OR5B3: variants seen among roughly 807,000 people sequenced by gnomAD.
OR5B3 encodes the protein olfactory receptor family 5 subfamily B member 3.
For synonymous variants in OR5B3, 150 were observed against 135.0 expected, an observed-to-expected ratio of 1.11 and a Z score of -0.77; for missense variants, 430 against 375.4, an observed-to-expected ratio of 1.15 and a Z score of -1.20.
At position 58,402,838 on chromosome 11, in the gene OR5B3, T is replaced by A. The variant is rs1855048566; in HGVS notation, c.572A>T (p.His191Leu). Reference protein sequence around the residue: ...AVMVLSCSDRHISELVLIYVV... With the variant: ...AVMVLSCSDRLISELVLIYVV... ...ATAAATAAGAACAAGCTCGCTAATATGTCTATCAGAGCAAGAGAGAACCAT... is the reference window on the plus strand; with the variant it reads ...ATAAATAAGAACAAGCTCGCTAATAAGTCTATCAGAGCAAGAGAGAACCAT... Residue 191 changes from histidine (H) to leucine (L), a missense_variant, in exon 2 of 2, where the codon CAT becomes CTT. Coordinates refer to ENST00000641865, the MANE Select transcript of OR5B3 (RefSeq NM_001005469.2). 1 of 1,613,790 alleles carries A rather than the reference T, an allele frequency of 6.2e-7. No homozygotes were observed. Among genetic ancestry groups the A allele is most frequent in the Non-Finnish European group, 8.5e-7 (1 of 1,179,886 alleles).
chr11:58,402,968 G>C lies in OR5B3; in HGVS notation c.442C>G (p.Leu148Val). The stretch of plus-strand genomic sequence containing the variant: ...ATGGAGGCATTCAGGAAACCACAGA[G>C]GTAGGAGCCTATGGCCAGACGAGCA... ...VCARLAIGSY[L>V]CGFLNASIHT... The change falls in exon 2 of 2, where the codon CTC (leucine) becomes GTC (valine). Residue 148 changes from leucine (L) to valine (V), a missense_variant. Coordinates refer to ENST00000641865, the MANE Select transcript of OR5B3 (RefSeq NM_001005469.2). 1 of 1,613,832 alleles carries C rather than the reference G, an allele frequency of 6.2e-7. No homozygotes were observed. Among genetic ancestry groups the C allele is most frequent in the Non-Finnish European group, 8.5e-7 (1 of 1,179,890 alleles).
chr11:58,402,568 G>A lies in OR5B3; in HGVS notation c.842C>T (p.Pro281Leu). The change falls in exon 2 of 2, where the codon CCC (proline) becomes CTC (leucine). Residue 281 changes from proline to leucine, a missense_variant. Physicochemically the swap from Pro to Leu is moderately conservative, Grantham distance 98. Coordinates refer to ENST00000641865, the MANE Select transcript of OR5B3 (RefSeq NM_001005469.2). ...MAPVFYTMVIPMLNPLVYSLR... is the reference protein window; with the variant it reads ...MAPVFYTMVILMLNPLVYSLR... Reference sequence around the variant, plus strand: ...ACTATAGACCAGAGGGTTCAGCATGGGGATGACCATTGTATAGAACACAGG... The same window carrying A: ...ACTATAGACCAGAGGGTTCAGCATGAGGATGACCATTGTATAGAACACAGG... 1.2e-6 allele frequency: 2 copies of A among 1,613,376 alleles called. No individual in the cohort carries two copies. The highest frequency in any genetic ancestry group is 2.2e-5 in the South Asian group (2 of 91,062).
chr11:58,402,516 T>G lies in OR5B3; in HGVS notation c.894A>C (p.Ala298=), dbSNP rs973608510. The change falls in exon 2 of 2, where the codon GCA becomes GCC. Residue 298 remains alanine (A), a synonymous_variant. Transcript: ENST00000641865. ...TTGCCTTCTCAACAACTTTCTTGAA[T>G]GCACTCTTCACTTCCTTGTTCCTCA... ...YSLRNKEVKS[A]FKKVVEKAKL... is the part of the protein sequence containing the mutation. 1 of 1,613,398 alleles carries G rather than the reference T, an allele frequency of 6.2e-7. No individual in the cohort carries two copies. Among genetic ancestry groups the G allele is most frequent in the African/African-American group, 1.3e-5 (1 of 74,904 alleles).
chr11:58,406,450 T>C (rs1855100998), intron 1 of OR5B3, among the ~76,000 whole-genome samples: 2 of 152,054 alleles, frequency 1.3e-5, no homozygotes, highest in East Asian at 1.9e-4. Flanking sequence ...TAACACCTTT[T>C]TGTAGTTTAA....
chr11:58,403,830 A>G (rs1855068404), intron 1 of OR5B3, among the ~76,000 whole-genome samples: 1 of 152,198 alleles, frequency 6.6e-6, no homozygotes, highest in Non-Finnish European at 1.5e-5. Flanking sequence ...TTTCCTTTCT[A>G]CAATATTATG....
At chr11:58,405,918 A>C (rs958978378) in intron 1 of OR5B3, among the ~76,000 whole-genome samples, 2 of 152,198 alleles carry the variant, frequency 1.3e-5, no homozygotes, top group Non-Finnish European at 2.9e-5. Flanking sequence ...GCCATGAAAA[A>C]AAGAATGAAA....
chr11:58,402,887 A>G lies in OR5B3; in HGVS notation c.523T>C (p.Phe175Leu). 1 of 1,614,036 alleles carries G rather than the reference A, an allele frequency of 6.2e-7. No homozygotes were observed. The highest frequency in any genetic ancestry group is 1.7e-4 in the Middle Eastern group (1 of 6,058). Residue 175 changes from phenylalanine to leucine, a missense_variant, in exon 2 of 2, where the codon TTT (phenylalanine) becomes CTT (leucine). Physicochemically the swap from Phe to Leu is conservative, Grantham distance 22 (BLOSUM62 0). Coordinates refer to ENST00000641865, the MANE Select transcript of OR5B3 (RefSeq NM_001005469.2). ...ATGACTGCTGGAATATCACAGAAAA[A>G]GTGATGGACTTCATTGGACTTACAG... ...SFCKSNEVHH[F>L]FCDIPAVMVL...
chr11:58,403,850 A>T (rs1855068617), intron 1 of OR5B3, among the ~76,000 whole-genome samples: 1 of 152,194 alleles, frequency 6.6e-6, no homozygotes, highest in South Asian at 2.1e-4. Context: ...GTATTTGATT[A>T]GTTGTTGCAT....
At chr11:58,404,433 G>C (rs1429127044) in intron 1 of OR5B3, among the ~76,000 whole-genome samples, 1 of 129,462 alleles carries the variant, frequency 7.7e-6, no homozygotes, top group Non-Finnish European at 1.7e-5. Flanking sequence ...TATTAGATAG[G>C]TGATAATCTT....
At chr11:58,405,850 G>A (rs12290245) in intron 1 of OR5B3, among the ~76,000 whole-genome samples, 48,861 of 151,404 alleles carry the variant, frequency 0.32, 7,948 homozygotes, top group Non-Finnish European at 0.36. Flanking sequence ...CCTGGTGCCC[G>A]TCAGTGGTAG....
intron 1 of OR5B3, among the ~76,000 whole-genome samples, chr11:58,406,167 G>A (rs7125053): frequency 0.32 from 48,744 of 151,648 alleles, 7,882 homozygotes; most frequent in Non-Finnish European, 0.36. Context: ...GTGTATATGC[G>A]TGTGTGCGCA....
rs776779185 is a variant in OR5B3 at position 58,403,269 on chromosome 11, T to G, written c.141A>C (p.Ile47=). 7.4e-6 allele frequency: 12 copies of G among 1,613,760 alleles called. No homozygotes were observed. The highest frequency in any genetic ancestry group is 6.7e-5 in the Admixed American group (4 of 59,990). Residue 47 remains isoleucine, a synonymous_variant, in exon 2 of 2, where the codon ATA becomes ATC. Transcript: ENST00000641865. ...LVGNLGIIVL[I]FWDSCLHNPM... ...GATTGTGGAGACAGGAATCCCAGAA[T>G]ATCAATACAATAATTCCCAGGTTTC...
rs1221664125 is a variant in OR5B3, at chr11:58,402,477, T to C, written c.933A>G (p.Gly311=). 5 of 1,597,652 alleles carry C rather than the reference T, an allele frequency of 3.1e-6. No homozygotes were observed. The highest frequency in any genetic ancestry group is 4.3e-6 in the Non-Finnish European group (5 of 1,165,134). Residue 311 remains glycine (G), a synonymous_variant, in exon 2 of 2, where the codon GGA becomes GGG. Transcript: ENST00000641865. ...GCATCCCACAATGTTAAACTGACCA[T>C]CCTACAGACAATTTTGCCTTCTCAA... is the stretch of plus-strand genomic sequence containing the variant. ...KVVEKAKLSV[G]WSV
intron 1 of OR5B3, among the ~76,000 whole-genome samples, chr11:58,405,802 C>T (rs1305996091): frequency 6.6e-6 from 1 of 151,990 alleles, no homozygotes; most frequent in African/African-American, 2.4e-5. Flanking sequence ...GTATGATCAT[C>T]AGCACGCTAT....
In OR5B3 at chr11:58,403,414, G is replaced by A; in HGVS notation, c.-5C>T. On this transcript the variant is annotated 5_prime_UTR_variant, in exon 2 of 2. It introduces an in-frame stop codon into an upstream open reading frame of the 5' UTR. Transcript: ENST00000641865. ...TACTTCTGTCTTATTTTCCATCACT[G>A]CTCTGGGGGACTCACAGGATGCTTG... 1 of 1,491,292 alleles carries A rather than the reference G, an allele frequency of 6.7e-7. No homozygotes were observed. The allele number at this position is 1,491,292 out of a possible 1,614,324, so 92.4% of individuals were successfully genotyped here.
Position 58,403,405 on chromosome 11 carries a change from T to C in OR5B3, c.5A>G (p.Glu2Gly). The stretch of plus-strand genomic sequence containing the variant: ...GAATTGTGTTACTTCTGTCTTATTT[T>C]CCATCACTGCTCTGGGGGACTCACA... M[E>G]NKTEVTQFIL... The change falls in exon 2 of 2, where the codon GAA becomes GGA. Residue 2 changes from glutamate (E) to glycine (G), a missense_variant. Physicochemically the swap from Glu to Gly is moderately conservative, Grantham distance 98 (BLOSUM62 -2). Coordinates refer to ENST00000641865, the MANE Select transcript of OR5B3 (RefSeq NM_001005469.2). The C allele has an allele frequency of 6.5e-7, 1 of 1,549,240 alleles. No individual in the cohort carries two copies. Among genetic ancestry groups the C allele is most frequent in the Non-Finnish European group, 8.8e-7 (1 of 1,140,692 alleles).
intron 1 of OR5B3, among the ~76,000 whole-genome samples, chr11:58,405,250 A>G (rs150644828): frequency 8.3e-4 from 126 of 152,304 alleles, no homozygotes; most frequent in South Asian, 1.0e-3. Flanking sequence ...GCTATGTAGT[A>G]TTCCATAAAT....
At chr11:58,405,979 G>A (rs181327567) in intron 1 of OR5B3, among the ~76,000 whole-genome samples, 1 of 152,104 alleles carries the variant, frequency 6.6e-6, no homozygotes, top group African/African-American at 2.4e-5. Context: ...CTGGAGAAGG[G>A]TGTCCAACCA....
Position 58,403,317 on chromosome 11 carries a change from G to A in OR5B3, c.93C>T (p.Phe31=), listed in dbSNP as rs373301470. Residue 31 remains phenylalanine (F), a synonymous_variant, in exon 2 of 2, where the codon TTC becomes TTT. Transcript: ENST00000641865. ...LQVPLFITFP[F]IYIITLVGNL... ...TTCCAACCAGAGTGATAATATAGAT[G>A]AAGGGGAACGTTATAAAGAGGGGAA... is the stretch of plus-strand genomic sequence containing the variant. 29 of 1,612,034 alleles carry A rather than the reference G, an allele frequency of 1.8e-5. No individual in the cohort carries two copies. The highest frequency in any genetic ancestry group is 1.4e-5 in the Non-Finnish European group (17 of 1,178,532).
Sources: allele counts gnomAD v4.1 joint callset (sites outside exome capture counted in the v4.1 genomes callset), GRCh38; gene constraint gnomAD v4.1.1; transcripts MANE v1.5; gene names NCBI Gene and HGNC (gene_info 2026-07-23, HGNC 2026-07-21).